Variants in SLC24A2 observed in about 807,000 individuals in gnomAD.
SLC24A2 encodes sodium/potassium/calcium exchanger 2.
A neutral mutation model predicts 62.0 loss-of-function variants in SLC24A2; 36 were observed. The observed-to-expected ratio is 0.58, with a 90% CI of 0.44 to 0.77. SLC24A2 has a LOEUF of 0.77. SLC24A2 is among the 30% of genes least tolerant of loss of function. SLC24A2 has a pLI of 0.00. For synonymous variants in SLC24A2, 358 were observed against 294.0 expected (o/e 1.22, Z -2.23); for missense variants, 846 against 817.9 (o/e 1.03, Z -0.42).
chr9:19,977,954 T>G, the SLC24A2 span, among the ~76,000 whole-genome samples: 3 of 152,142 alleles, frequency 2.0e-5, no homozygotes, highest in Non-Finnish European at 4.4e-5. Flanking sequence ...GGTGGACAGA[T>G]AAGTGATGGC....
At chr9:20,014,517 T>TATATATATATATATATATACACAC in the SLC24A2 span, among the ~76,000 whole-genome samples, 18 of 148,458 alleles carry the variant, frequency 1.2e-4, no homozygotes, top group South Asian at 4.3e-4. Flanking sequence ...TATATATATA[T>TATATATATATATATATATACACAC]ACACACACAC....
chr9:19,528,955 C>CA (rs1203853046), intron 8 of SLC24A2, among the ~76,000 whole-genome samples: 4 of 152,148 alleles, frequency 2.6e-5, no homozygotes, highest in Non-Finnish European at 5.9e-5. Flanking sequence ...TAGAAATAGC[C>CA]AAAAAATCAG....
At chr9:19,541,356 G>A (rs1834244642) in intron 8 of SLC24A2, among the ~76,000 whole-genome samples, 1 of 150,988 alleles carries the variant, frequency 6.6e-6, no homozygotes, top group Non-Finnish European at 1.5e-5. Context: ...TTTGGTCTTT[G>A]ATGATGGTGA....
At chr9:19,927,599 T>C in the SLC24A2 span, 1 of 152,222 alleles carries the variant, frequency 6.6e-6, no homozygotes, top group Non-Finnish European at 1.5e-5. Context: ...AGTTGTGCAA[T>C]GAAAATCCCT....
At chr9:19,845,657 C>G in the SLC24A2 span, among the ~76,000 whole-genome samples, 5 of 152,046 alleles carry the variant, frequency 3.3e-5, no homozygotes, top group African/African-American at 9.7e-5. Flanking sequence ...TCTTATTTCT[C>G]TAGTTCCTTT....
At chr9:20,307,310 G>A in the SLC24A2 span, among the ~76,000 whole-genome samples, 107 of 152,316 alleles carry the variant, frequency 7.0e-4, no homozygotes, top group Admixed American at 5.9e-4. Context: ...GTCCTGAAGT[G>A]AGACTTTCTT....
At chr9:19,665,180 A>G (rs978538781) in intron 2 of SLC24A2, among the ~76,000 whole-genome samples, 1 of 152,156 alleles carries the variant, frequency 6.6e-6, no homozygotes, top group Non-Finnish European at 1.5e-5. Flanking sequence ...ATCTGAGGTG[A>G]GTTTTGCAAG....
At chr9:19,835,574 A>G in the SLC24A2 span, among the ~76,000 whole-genome samples, 2 of 152,240 alleles carry the variant, frequency 1.3e-5, no homozygotes, top group African/African-American at 4.8e-5. Context: ...AGATTCATAA[A>G]GCAAGTCCTT....
the SLC24A2 span, among the ~76,000 whole-genome samples, chr9:20,095,284 T>C: frequency 1.3e-5 from 2 of 152,244 alleles, no homozygotes; most frequent in African/African-American, 4.8e-5. Context: ...AGATAATCTA[T>C]GTAAACAAAA....
At chr9:19,783,588 C>A (rs1029946841) in intron 2 of SLC24A2, among the ~76,000 whole-genome samples, 1 of 152,132 alleles carries the variant, frequency 6.6e-6, no homozygotes, top group African/African-American at 2.4e-5. Context: ...AAATCACATT[C>A]AGAGATGTGA....
intron 8 of SLC24A2, among the ~76,000 whole-genome samples, chr9:19,534,403 A>G (rs946174256): frequency 3.3e-5 from 5 of 152,156 alleles, no homozygotes; most frequent in African/African-American, 1.2e-4. Context: ...ACATGCGCAG[A>G]ATGTGCAGCT....
chr9:19,793,038 C>T (rs900312860), upstream of SLC24A2, among the ~76,000 whole-genome samples: 8 of 152,220 alleles, frequency 5.3e-5, no homozygotes, highest in African/African-American at 1.9e-4. Context: ...AACAAAGAGT[C>T]AGTATCATGC....
At chr9:19,642,505 A>C (rs1215805393) in intron 2 of SLC24A2, among the ~76,000 whole-genome samples, 2 of 152,074 alleles carry the variant, frequency 1.3e-5, no homozygotes, top group African/African-American at 2.4e-5. Context: ...TTTCCAAGCT[A>C]AGCGTATACT....
At chr9:20,073,031 T>A in the SLC24A2 span, among the ~76,000 whole-genome samples, 3 of 152,296 alleles carry the variant, frequency 2.0e-5, no homozygotes, top group East Asian at 5.8e-4. Context: ...CTATTTAATT[T>A]TACTATGGTT....
At chr9:20,024,028 C>A in the SLC24A2 span, among the ~76,000 whole-genome samples, 1 of 152,162 alleles carries the variant, frequency 6.6e-6, no homozygotes, top group South Asian at 2.1e-4. Context: ...TCCACGGAAA[C>A]GCTTTCCCAT....
chr9:19,555,256 C>G (rs1160797998), intron 7 of SLC24A2, among the ~76,000 whole-genome samples: 1 of 152,146 alleles, frequency 6.6e-6, no homozygotes, highest in East Asian at 1.9e-4. Context: ...CTAGTGTTCT[C>G]TTTATGAGGA....
chr9:19,867,742 T>C, the SLC24A2 span, among the ~76,000 whole-genome samples: 166 of 152,266 alleles, frequency 1.1e-3, no homozygotes, highest in Non-Finnish European at 1.7e-3. Flanking sequence ...ACCCCGTCTC[T>C]ACTAAAAATA....
chr9:19,910,295 T>C, the SLC24A2 span, among the ~76,000 whole-genome samples: 1 of 152,098 alleles, frequency 6.6e-6, no homozygotes, highest in Non-Finnish European at 1.5e-5. Flanking sequence ...CCAGCTGATA[T>C]GATCTAAAAA....
chr9:20,306,970 T>C, the SLC24A2 span, among the ~76,000 whole-genome samples: 1 of 152,204 alleles, frequency 6.6e-6, no homozygotes, highest in African/African-American at 2.4e-5. Context: ...AGTGCTGGGA[T>C]TACAGATCTT....
Sources: gnomAD v4.1 joint callset for allele counts (sites outside exome capture counted in the v4.1 genomes callset) on GRCh38, gnomAD v4.1.1 for gene constraint, MANE v1.5 for transcripts, NCBI Gene and HGNC (gene_info 2026-07-23, HGNC 2026-07-21) for gene names.